Variants in KCTD16 observed in about 807,000 individuals in gnomAD.
The protein encoded by KCTD16 is potassium channel tetramerization domain containing 16.
Under a neutral mutation model 33.2 loss-of-function variants are expected in KCTD16, and 13 were observed. The observed-to-expected ratio is 0.39, with a 90% CI of 0.25 to 0.62. The LOEUF is 0.62. Among genes scored for constraint, KCTD16 ranks in the 20% least tolerant of loss-of-function variants. The probability of loss-of-function intolerance (pLI) is 0.50; values close to 1 mark genes in which losing one functional copy is unlikely to be tolerated. For synonymous variants in KCTD16, 197 were observed against 195.3 expected, an observed-to-expected ratio of 1.01 and a Z score of -0.07; for missense variants, 441 against 525.1, an observed-to-expected ratio of 0.84 and a Z score of 1.57.
chr5:144,179,256 C>T (rs1752569551), intron 2 of KCTD16, among the ~76,000 whole-genome samples: 1 of 152,170 alleles, frequency 6.6e-6, no homozygotes, highest in South Asian at 2.1e-4. Context: ...CCCCACCAGG[C>T]AGGTTCCCCT....
chr5:144,418,281 T>G (rs189771615), intron 3 of KCTD16, among the ~76,000 whole-genome samples: 12 of 152,178 alleles, frequency 7.9e-5, no homozygotes, highest in Admixed American at 2.6e-4. Context: ...CCGAGTGGGT[T>G]GCCAACGGGG....
chr5:144,314,662 C>T (rs1056570245), intron 3 of KCTD16, among the ~76,000 whole-genome samples: 29 of 152,112 alleles, frequency 1.9e-4, no homozygotes, highest in African/African-American at 6.8e-4. Context: ...CAGCTATGTT[C>T]TTCTCTTAGT....
intron 3 of KCTD16, among the ~76,000 whole-genome samples, chr5:144,299,072 ATTTT>A (rs1554085837): frequency 3.0e-4 from 17 of 57,394 alleles, no homozygotes; most frequent in Non-Finnish European, 4.0e-4. Context: ...ATATATATAT[ATTTT>A]TGTATATATA....
At chr5:144,224,385 T>G (rs899282640) in intron 3 of KCTD16, among the ~76,000 whole-genome samples, 8 of 131,048 alleles carry the variant, frequency 6.1e-5, no homozygotes, top group African/African-American at 3.1e-4. Flanking sequence ...TATAATGTGT[T>G]TTTTTTTTTT....
Position 144,207,324 on chromosome 5 carries a change from G to A in KCTD16, c.610G>A (p.Val204Ile). 1 of 1,614,210 alleles carries A rather than the reference G, an allele frequency of 6.2e-7. No individual in the cohort carries two copies. The highest frequency in any genetic ancestry group is 1.1e-5 in the South Asian group (1 of 91,084). The change falls in exon 3 of 4, where the codon GTC becomes ATC. Residue 204 changes from valine to isoleucine, a missense_variant. Transcript: ENST00000512467. ...TGGAAGGATTTCCTTGGCAAAAGAAGTCTTTGGAGAAACTTTGAATGAAAG... is the reference window on the plus strand; with the variant it reads ...TGGAAGGATTTCCTTGGCAAAAGAAATCTTTGGAGAAACTTTGAATGAAAG... ...VCGRISLAKE[V>I]FGETLNESRD...
chr5:144,219,793 G>A (rs1753684234), intron 3 of KCTD16, among the ~76,000 whole-genome samples: 1 of 152,028 alleles, frequency 6.6e-6, no homozygotes, highest in Admixed American at 6.5e-5. Context: ...CAAAGTGTTG[G>A]GATTACAGGC....
intron 3 of KCTD16, among the ~76,000 whole-genome samples, chr5:144,378,163 T>G (rs924624961): frequency 6.6e-6 from 1 of 152,096 alleles, no homozygotes; most frequent in African/African-American, 2.4e-5. Context: ...GCTCTCCCTC[T>G]TTTTCCCCAG....
At chr5:144,294,558 G>T (rs1755985695) in intron 3 of KCTD16, among the ~76,000 whole-genome samples, 2 of 152,060 alleles carry the variant, frequency 1.3e-5, no homozygotes, top group South Asian at 4.1e-4. Context: ...TTGACTCATA[G>T]TTTGTGTATC....
chr5:144,339,909 G>T (rs1752584628), intron 3 of KCTD16, among the ~76,000 whole-genome samples: 2 of 152,260 alleles, frequency 1.3e-5, no homozygotes, highest in African/African-American at 4.8e-5. Context: ...CTCAATACTT[G>T]CCCCTCTCTC....
In KCTD16 at chr5:144,348,896, T is replaced by C. The variant is rs192695745; in HGVS notation, c.833-124764T>C. 1.8e-4 allele frequency among the ~76,000 whole-genome samples: 28 copies of C among 152,252 alleles called. No individual in the cohort carries two copies. The East Asian group carries it at 4.4e-3, about 24-fold the overall frequency. On this transcript the variant is annotated intron_variant, in intron 3 of 3. Transcript: ENST00000512467. ...TACCTACCAGCCCCACTATCTCCTA[T>C]TGTAAATGCAGTTTCCAGAATTTGG...
intron 3 of KCTD16, among the ~76,000 whole-genome samples, chr5:144,358,028 T>C (rs1751611296): frequency 6.6e-6 from 1 of 151,978 alleles, no homozygotes; most frequent in Admixed American, 6.6e-5. Context: ...GGTTCAAGTG[T>C]TCCTCTTCTC....
At chr5:144,215,585 T>C (rs1753539817) in intron 3 of KCTD16, among the ~76,000 whole-genome samples, 1 of 152,232 alleles carries the variant, frequency 6.6e-6, no homozygotes, top group Non-Finnish European at 1.5e-5. Flanking sequence ...AGCAAATTGC[T>C]TCCGTGCCTC....
intron 3 of KCTD16, among the ~76,000 whole-genome samples, chr5:144,343,754 T>C (rs1752708743): frequency 1.3e-5 from 2 of 152,222 alleles, no homozygotes; most frequent in African/African-American, 2.4e-5. Context: ...GCTTTGAATG[T>C]GTCCCAGAGA....
At chr5:144,363,297 G>A (rs1038140929) in intron 3 of KCTD16, among the ~76,000 whole-genome samples, 2 of 152,054 alleles carry the variant, frequency 1.3e-5, no homozygotes, top group African/African-American at 2.4e-5. Flanking sequence ...AGCCAAGATC[G>A]CGCCACTGCA....
rs574311515 is a variant in KCTD16, at chr5:144,396,868, A to G, written c.833-76792A>G. On this transcript the variant is annotated intron_variant, in intron 3 of 3. Transcript: ENST00000512467. ...CATCTTCCAGTCAAGTTCCTTGTTT[A>G]TTATTTATGTATTGTTTTAGCATTG... 2.1e-4 allele frequency among the ~76,000 whole-genome samples: 32 copies of G among 150,082 alleles called. No homozygotes were observed. In the South Asian group the frequency reaches 5.7e-3, roughly 27 times the overall value.
At chr5:144,414,644 A>G (rs1451204234) in intron 3 of KCTD16, among the ~76,000 whole-genome samples, 1 of 152,220 alleles carries the variant, frequency 6.6e-6, no homozygotes, top group Non-Finnish European at 1.5e-5. Context: ...GACTTAGCCA[A>G]TTTAAATTTA....
intron 3 of KCTD16, among the ~76,000 whole-genome samples, chr5:144,457,172 T>C (rs1475805345): frequency 2.6e-5 from 4 of 152,242 alleles, no homozygotes; most frequent in African/African-American, 9.6e-5. Context: ...ATTTATTTGC[T>C]CCCTCCAATG....
intron 2 of KCTD16, among the ~76,000 whole-genome samples, chr5:144,195,228 A>T (rs1378899464): frequency 6.6e-6 from 1 of 152,174 alleles, no homozygotes; most frequent in Non-Finnish European, 1.5e-5. Flanking sequence ...CATTAACTAC[A>T]TTGATGCTAT....
At chr5:144,464,774 T>TTCTTCC (rs1241088831) in intron 3 of KCTD16, among the ~76,000 whole-genome samples, 13 of 151,652 alleles carry the variant, frequency 8.6e-5, no homozygotes, top group Non-Finnish European at 1.9e-4. Context: ...CTTCTTCTTC[T>TTCTTCC]TCTTCCTCTT....
Sources: allele counts gnomAD v4.1 joint callset (sites outside exome capture counted in the v4.1 genomes callset), GRCh38; gene constraint gnomAD v4.1.1; transcripts MANE v1.5; gene names NCBI Gene and HGNC (gene_info 2026-07-23, HGNC 2026-07-21).